Variants in STON2 observed in about 807,000 individuals in gnomAD.
STON2 encodes stonin-2.
A neutral mutation model predicts 65.7 loss-of-function variants in STON2; 29 were observed. The ratio of observed to expected loss-of-function variants is 0.44; its 90% CI spans 0.33 to 0.60. The LOEUF is 0.60. STON2 is among the 20% of genes least tolerant of loss of function. STON2 has a pLI of 0.03. For synonymous variants in STON2, 404 were observed against 414.2 expected, an observed-to-expected ratio of 0.98 and a Z score of 0.30; for missense variants, 1,054 against 1,118.1, an observed-to-expected ratio of 0.94 and a Z score of 0.82.
chr14:81,352,133 A>G (rs540842890), intron 4 of STON2, among the ~76,000 whole-genome samples: 2 of 152,322 alleles, frequency 1.3e-5, no homozygotes, highest in South Asian at 4.1e-4. Context: ...TATCATAATT[A>G]ATGGTAGTAT....
chr14:81,417,894 G>A (rs1423320366), intron 2 of STON2, among the ~76,000 whole-genome samples: 2 of 152,114 alleles, frequency 1.3e-5, no homozygotes, highest in African/African-American at 2.4e-5. Context: ...AAAAACCAGA[G>A]GGCTCCAGGC....
chr14:81,269,546 AGGG>A, intron 7 of STON2: 4 of 985,400 alleles, frequency 4.1e-6, no homozygotes, highest in Non-Finnish European at 4.8e-6. Flanking sequence ...CTTGACCTAC[AGGG>A]TAATGATTCA....
rs184144559 is a variant in STON2 at position 81,396,388 on chromosome 14, A to G, written c.89-210T>C. On this transcript the variant is annotated intron_variant, in intron 2 of 7. Coordinates refer to ENST00000614646, the MANE Select transcript of STON2 (RefSeq NM_001394390.1). ...AATGCTGTAAGCTCAGCATGTCTCC[A>G]GTCAGTATCCTGGCAGGCAGAGACT... Among the ~76,000 whole-genome samples the G allele has an allele frequency of 4.1e-3, 621 of 152,322 alleles. 4 individuals are homozygous for G. Among genetic ancestry groups the G allele is most frequent in the South Asian group, 7.2e-3 (35 of 4,828 alleles).
At position 81,292,233 on chromosome 14, in the gene STON2, A is replaced by G. The variant is rs559632529; in HGVS notation, c.743-13494T>C. ...ACTGATTTAAACAAACAACTGCTGG[A>G]GTTGCTGCCAGGGCCAAGGATCATG... is the stretch of plus-strand genomic sequence containing the variant. On this transcript the variant is annotated intron_variant, in intron 5 of 7. Coordinates refer to ENST00000614646, the MANE Select transcript of STON2 (RefSeq NM_001394390.1). Among the ~76,000 whole-genome samples the G allele has an allele frequency of 4.0e-4, 61 of 152,208 alleles. 1 individual carries two copies. Among genetic ancestry groups the G allele is most frequent in the Admixed American group, 2.0e-4 (3 of 15,280 alleles).
intron 3 of STON2, among the ~76,000 whole-genome samples, chr14:81,384,280 T>C (rs1246173361): frequency 1.3e-5 from 2 of 152,158 alleles, no homozygotes; most frequent in African/African-American, 4.8e-5. Flanking sequence ...CACAGTCTTG[T>C]TCTGTTGCCT....
intron 2 of STON2, among the ~76,000 whole-genome samples, chr14:81,415,463 T>C (rs1311421932): frequency 6.6e-6 from 1 of 152,000 alleles, no homozygotes; most frequent in Non-Finnish European, 1.5e-5. Context: ...GAGCCCCCAA[T>C]GTGCTGAGCC....
At chr14:81,402,787 C>T (rs1363268235), upstream of STON2, among the ~76,000 whole-genome samples, 2 of 152,192 alleles carry the variant, frequency 1.3e-5, no homozygotes, top group Admixed American at 1.3e-4. Context: ...CTACCTGTCT[C>T]CCTGCCTTCA....
Position 81,339,213 on chromosome 14 carries a change from A to G in STON2, c.572-15026T>C, listed in dbSNP as rs1010109979. Among the ~76,000 whole-genome samples, 11 of 152,318 alleles carry G rather than the reference A, an allele frequency of 7.2e-5. No homozygotes were observed. The South Asian group carries it at 2.3e-3, about 32-fold the overall frequency. On this transcript the variant is annotated intron_variant, in intron 4 of 7. Coordinates refer to ENST00000614646, the MANE Select transcript of STON2 (RefSeq NM_001394390.1). ...CTAGGTAGGTTCTTTGTCTTATTTC[A>G]TTTAATAAACACAGCTACCCTAAAA...
At chr14:81,407,101 G>A (rs148351818) in intron 2 of STON2, among the ~76,000 whole-genome samples, 6 of 152,270 alleles carry the variant, frequency 3.9e-5, no homozygotes, top group Non-Finnish European at 8.8e-5. Flanking sequence ...ATCTTGTGCT[G>A]CCTGTTGACC....
chr14:81,327,104 GC>G (rs1412544119), intron 4 of STON2, among the ~76,000 whole-genome samples: 1 of 152,168 alleles, frequency 6.6e-6, no homozygotes, highest in Non-Finnish European at 1.5e-5. Flanking sequence ...GCTGCAGTCA[GC>G]CAAGATTGTG....
chr14:81,299,117 T>C (rs1895875321), intron 5 of STON2, among the ~76,000 whole-genome samples: 1 of 152,182 alleles, frequency 6.6e-6, no homozygotes, highest in South Asian at 2.1e-4. Flanking sequence ...GACACCAAAC[T>C]GTATTTGGTA....
chr14:81,286,548 T>C (rs1895340813), intron 5 of STON2, among the ~76,000 whole-genome samples: 1 of 152,208 alleles, frequency 6.6e-6, no homozygotes, highest in African/African-American at 2.4e-5. Flanking sequence ...GCACAACTAA[T>C]AGACTATAGT....
At chr14:81,425,172 G>C (rs555046122) in intron 2 of STON2, among the ~76,000 whole-genome samples, 4 of 152,222 alleles carry the variant, frequency 2.6e-5, no homozygotes, top group Non-Finnish European at 2.9e-5. Flanking sequence ...ATTTAGCTTT[G>C]AGAGTGAGAG....
intron 4 of STON2, among the ~76,000 whole-genome samples, chr14:81,347,538 T>C (rs963924271): frequency 2.7e-5 from 4 of 148,808 alleles, no homozygotes; most frequent in African/African-American, 5.0e-5. Flanking sequence ...TTCCAAAAAA[T>C]TGAAGAGTAG....
chr14:81,433,802 A>G (rs1262454981), intron 1 of STON2, among the ~76,000 whole-genome samples: 2 of 152,226 alleles, frequency 1.3e-5, no homozygotes, highest in African/African-American at 4.8e-5. Flanking sequence ...TGCCTGACTT[A>G]CACTGGACAT....
rs149187420 is a variant in STON2 at position 81,286,865 on chromosome 14, A to G, written c.743-8126T>C. ...TCAGCAATTTTAAGTAAACTGTCCA[A>G]GTTGAGATCAGAAGTCAAGTCCTGC... On this transcript the variant is annotated intron_variant, in intron 5 of 7. Transcript: ENST00000614646. Among the ~76,000 whole-genome samples, 948 of 152,326 alleles carry G rather than the reference A, an allele frequency of 6.2e-3. 14 individuals are homozygous for G. Among genetic ancestry groups the G allele is most frequent in the African/African-American group, 0.02 (851 of 41,568 alleles).
At chr14:81,331,046 CAG>C (rs1470200805) in intron 4 of STON2, among the ~76,000 whole-genome samples, 1 of 152,198 alleles carries the variant, frequency 6.6e-6, no homozygotes, top group Non-Finnish European at 1.5e-5. Flanking sequence ...AGGTGGTACT[CAG>C]AGATCCAGCT....
At chr14:81,395,071 C>T (rs1387296221) in intron 3 of STON2, 1 of 152,198 alleles carries the variant, frequency 6.6e-6, no homozygotes, top group African/African-American at 2.4e-5. Flanking sequence ...CTCCCCAGTG[C>T]AGCTTCTGGC....
chr14:81,266,828 ACACACACATC>A lies in STON2; in HGVS notation c.*1576_*1585del. The A allele has an allele frequency of 8.8e-6, 2 of 226,656 alleles. No individual in the cohort carries two copies. Among genetic ancestry groups the A allele is most frequent in the Non-Finnish European group, 1.2e-5 (2 of 160,214 alleles). The allele number at this position is 226,656 out of a possible 1,614,324, so 14.0% of individuals were successfully genotyped here. On this transcript the variant is annotated 3_prime_UTR_variant, in exon 8 of 8. Coordinates refer to ENST00000614646, the MANE Select transcript of STON2 (RefSeq NM_001394390.1). ...ACACCACACACATAAACACACACAA[ACACACACATC>A]CACAAACACACACTCCACTCTGTAC...
Sources: gnomAD v4.1 joint callset for allele counts (sites outside exome capture counted in the v4.1 genomes callset) on GRCh38, gnomAD v4.1.1 for gene constraint, MANE v1.5 for transcripts, NCBI Gene and HGNC (gene_info 2026-07-23, HGNC 2026-07-21) for gene names.